The following RAB8B variants were observed in gnomAD, a reference collection of about 807,000 sequenced individuals.
RAB8B encodes ras-related protein Rab-8B.
In RAB8B, 11 loss-of-function variants were observed where a neutral mutation model predicts 32.0. The ratio of observed to expected loss-of-function variants is 0.34; its 90% CI spans 0.22 to 0.57. The LOEUF is 0.57. RAB8B is among the 20% of genes least tolerant of loss of function. RAB8B has a pLI of 0.86. For synonymous variants in RAB8B, 103 were observed against 89.6 expected (o/e 1.15, Z -0.85); for missense variants, 190 against 258.5 (o/e 0.73, Z 1.82).
intron 1 of RAB8B, among the ~76,000 whole-genome samples, chr15:63,231,924 G>C (rs2037939926): frequency 6.6e-6 from 1 of 152,166 alleles, no homozygotes; most frequent in Non-Finnish European, 1.5e-5. Flanking sequence ...CTTCTAGATT[G>C]AGTAACACTT....
rs563085015 is a variant in RAB8B, at chr15:63,232,363, A to G, written c.125-12393A>G. Among the ~76,000 whole-genome samples, 4 of 152,300 alleles carry G rather than the reference A, an allele frequency of 2.6e-5. No homozygotes were observed. The East Asian group carries it at 5.8e-4, about 22-fold the overall frequency. ...GTTTAAAACTATTCTTAATTGTACT[A>G]TTTGTATATCTATAATGCATGTTTA... On this transcript the variant is annotated intron_variant, in intron 1 of 7. Coordinates refer to ENST00000321437, the MANE Select transcript of RAB8B (RefSeq NM_016530.3).
Position 63,265,046 on chromosome 15 carries a change from T to G in RAB8B, c.*1427T>G, listed in dbSNP as rs563229992. ...TCAGATCACTATGTCGTTGTTGCTCTAGCCTTCAGTGTCATAACACAGGGG... is the reference window on the plus strand; with the variant it reads ...TCAGATCACTATGTCGTTGTTGCTCGAGCCTTCAGTGTCATAACACAGGGG... On this transcript the variant is annotated 3_prime_UTR_variant, in exon 8 of 8. Transcript: ENST00000321437. This position sits in a 1 kb window ranked among gnomAD's most constrained non-coding sequence, Gnocchi z 4.9. 1.0e-4 allele frequency: 16 copies of G among 152,682 alleles called. No homozygotes were observed. Among genetic ancestry groups the G allele is most frequent in the Admixed American group, 1.0e-3 (16 of 15,288 alleles). 9.5% of individuals were successfully genotyped at this position (152,682 alleles called of 1,614,324 possible).
intron 1 of RAB8B, among the ~76,000 whole-genome samples, chr15:63,220,115 C>T (rs2037831475): frequency 6.6e-6 from 1 of 152,122 alleles, no homozygotes; most frequent in Admixed American, 6.5e-5. Flanking sequence ...TTATATCAGG[C>T]CTTTTAATAT....
chr15:63,193,576 C>T (rs1019931119), intron 1 of RAB8B, among the ~76,000 whole-genome samples: 1 of 152,076 alleles, frequency 6.6e-6, no homozygotes, highest in African/African-American at 2.4e-5. Flanking sequence ...CTTTGGGAGG[C>T]CAAGGCAGGC....
At chr15:63,221,251 A>G (rs2037841960) in intron 1 of RAB8B, among the ~76,000 whole-genome samples, 1 of 152,226 alleles carries the variant, frequency 6.6e-6, no homozygotes, top group Non-Finnish European at 1.5e-5. Context: ...GGATGGGGCC[A>G]TATATTTTAA....
chr15:63,256,667 T>C, intron 5 of RAB8B, 73 bp downstream of exon 5: 1 of 1,127,420 alleles, frequency 8.9e-7, no homozygotes, highest in Non-Finnish European at 1.3e-6. Context: ...TATTATTTAA[T>C]TATTGATTTT....
At chr15:63,217,324 AT>A (rs1236241581) in intron 1 of RAB8B, among the ~76,000 whole-genome samples, 1 of 152,236 alleles carries the variant, frequency 6.6e-6, no homozygotes, top group African/African-American at 2.4e-5. Flanking sequence ...ACATTTAAAA[AT>A]ATTGAATGGA....
Position 63,263,516 on chromosome 15 carries a change from C to T in RAB8B, c.532-11C>T, listed in dbSNP as rs1352012492. ...TTTATTTCCTTGGTAACTTCATCTT[C>T]TATTTTTTAGAATGACAGCAATTCA... On this transcript the variant is annotated splice_polypyrimidine_tract_variant and intron_variant, in intron 7 of 7. Coordinates refer to ENST00000321437, the MANE Select transcript of RAB8B (RefSeq NM_016530.3). 6.3e-7 allele frequency: 1 copy of T among 1,596,904 alleles called. No individual in the cohort carries two copies. The highest frequency in any genetic ancestry group is 1.4e-5 in the African/African-American group (1 of 73,818).
intron 1 of RAB8B, among the ~76,000 whole-genome samples, chr15:63,203,444 T>C (rs2037669435): frequency 1.3e-5 from 2 of 152,226 alleles, no homozygotes; most frequent in Non-Finnish European, 2.9e-5. Context: ...AATTGAATGC[T>C]GTTACTGTGT....
chr15:63,219,663 A>G (rs1348805667), intron 1 of RAB8B, among the ~76,000 whole-genome samples: 3 of 152,214 alleles, frequency 2.0e-5, no homozygotes, highest in Non-Finnish European at 4.4e-5. Context: ...AAAAGGCAGA[A>G]AGCCACTGCT....
chr15:63,235,872 C>T (rs1371931852), intron 1 of RAB8B, among the ~76,000 whole-genome samples: 1 of 151,890 alleles, frequency 6.6e-6, no homozygotes, highest in Non-Finnish European at 1.5e-5. Flanking sequence ...TACTTGTATA[C>T]CAAGGCATTC....
intron 3 of RAB8B, among the ~76,000 whole-genome samples, chr15:63,250,542 A>G (rs1022653061): frequency 2.0e-5 from 3 of 151,936 alleles, no homozygotes; most frequent in Admixed American, 2.0e-4. Context: ...TAACTTCATC[A>G]CTTGTTATGT....
chr15:63,222,994 G>A (rs1015660418), intron 1 of RAB8B: 9 of 455,478 alleles, frequency 2.0e-5, no homozygotes, highest in Admixed American at 7.1e-5. Context: ...GTACAGTAAT[G>A]TCCTAGGCCT....
chr15:63,239,077 A>G (rs1398821624), intron 1 of RAB8B, among the ~76,000 whole-genome samples: 2 of 152,146 alleles, frequency 1.3e-5, no homozygotes, highest in Non-Finnish European at 2.9e-5. Context: ...CAGAGAAATG[A>G]GCTGGAGCCC....
At position 63,259,910 on chromosome 15, in the gene RAB8B, C is replaced by G; in HGVS notation, c.480+218C>G. Among the ~76,000 whole-genome samples, 1 of 152,084 alleles carries G rather than the reference C, an allele frequency of 6.6e-6. No homozygotes were observed. The highest frequency in any genetic ancestry group is 1.5e-5 in the Non-Finnish European group (1 of 68,034). On this transcript the variant is annotated intron_variant, in intron 6 of 7. Transcript: ENST00000321437. The surrounding 1 kb of genome is among the most constrained non-coding windows in gnomAD (Gnocchi z 4.4). ...AATGCAGTGGCATGATCTCGGCTCA[C>G]TGCAACCTCTGCCTCCCAGGTTCAA...
At chr15:63,207,500 A>G (rs1016748823) in intron 1 of RAB8B, among the ~76,000 whole-genome samples, 10 of 151,560 alleles carry the variant, frequency 6.6e-5, no homozygotes, top group African/African-American at 9.7e-5. Context: ...ATTTTTTTTC[A>G]GGTATTTAGG....
In RAB8B at chr15:63,255,599, A is replaced by T; in HGVS notation, c.324+15A>T. 9.6e-6 allele frequency: 15 copies of T among 1,567,968 alleles called. No homozygotes were observed. The highest frequency in any genetic ancestry group is 1.2e-5 in the Non-Finnish European group (14 of 1,138,092). ...ACATTGAAGAGGTATGTGTGGAAAGAGAATGGTGACATTGGAGAAGAGTCC... is the reference window on the plus strand; with the variant it reads ...ACATTGAAGAGGTATGTGTGGAAAGTGAATGGTGACATTGGAGAAGAGTCC... On this transcript the variant is annotated intron_variant, in intron 4 of 7. Transcript: ENST00000321437.
At position 63,249,845 on chromosome 15, in the gene RAB8B, G is replaced by A. The variant is rs550170574; in HGVS notation, c.246+140G>A. On this transcript the variant is annotated intron_variant, in intron 3 of 7. Coordinates refer to ENST00000321437, the MANE Select transcript of RAB8B (RefSeq NM_016530.3). Reference sequence around the variant, plus strand: ...GATGGGGAAACAAGACATTTAAAAGGTTTTTTGGGGGCCGGGCGCGGTGGC... The same window carrying A: ...GATGGGGAAACAAGACATTTAAAAGATTTTTTGGGGGCCGGGCGCGGTGGC... 2,369 of 936,080 alleles carry A rather than the reference G, an allele frequency of 2.5e-3. 58 individuals carry two copies. In the South Asian group the frequency reaches 0.027, roughly 11 times the overall value. The allele number at this position is 936,080 out of a possible 1,614,324, so 58.0% of individuals were successfully genotyped here.
At chr15:63,226,091 A>G (rs1402567466) in intron 1 of RAB8B, among the ~76,000 whole-genome samples, 1 of 152,044 alleles carries the variant, frequency 6.6e-6, no homozygotes, top group Non-Finnish European at 1.5e-5. Context: ...CCTCTTGCCT[A>G]TGCCTCCCAA....
Sources: gnomAD v4.1 joint callset for allele counts (sites outside exome capture counted in the v4.1 genomes callset) on GRCh38, gnomAD v4.1.1 for gene constraint, Gnocchi (gnomAD v3.1) non-coding constraint, MANE v1.5 for transcripts, NCBI Gene and HGNC (gene_info 2026-07-23, HGNC 2026-07-21) for gene names.